The following KCNH8 variants were observed in gnomAD, a reference collection of about 807,000 sequenced individuals.
The protein encoded by KCNH8 is voltage-gated delayed rectifier potassium channel KCNH8.
In KCNH8, 70 loss-of-function variants were observed where a neutral mutation model predicts 103.6. The observed-to-expected ratio is 0.68, with a 90% confidence interval of 0.56 to 0.82. The LOEUF (loss-of-function observed/expected upper bound fraction) is 0.82, where lower values mean the gene tolerates loss of function less well. Among genes scored for constraint, KCNH8 ranks in the 40% least tolerant of loss-of-function variants. KCNH8 has a pLI of 0.00. For missense variants in KCNH8, 1,217 were observed against 1,329.9 expected, an observed-to-expected ratio of 0.92 and a Z score of 1.32; for synonymous variants, 498 against 489.4, an observed-to-expected ratio of 1.02 and a Z score of -0.23.
intron 6 of KCNH8, 23 bp downstream of exon 6, chr3:19,390,661 C>T (rs769594896): frequency 6.3e-6 from 10 of 1,599,492 alleles, no homozygotes; most frequent in Middle Eastern, 3.3e-4. Context: ...CTCCCCGCCA[C>T]ATGGCCTTTA....
chr3:19,367,920 G>A (rs2066035318), intron 5 of KCNH8, among the ~76,000 whole-genome samples: 1 of 151,986 alleles, frequency 6.6e-6, no homozygotes, highest in Non-Finnish European at 1.5e-5. Context: ...GCTTACAAGA[G>A]AGAGCATGGG....
rs1049879851 is a variant in KCNH8 at position 19,492,667 on chromosome 3, CT to C, written c.2041-17689del. Among the ~76,000 whole-genome samples the C allele has an allele frequency of 2.0e-5, 3 of 151,896 alleles. No homozygotes were observed. In the East Asian group the frequency reaches 5.8e-4, roughly 29 times the overall value. On this transcript the variant is annotated intron_variant, in intron 11 of 15. Coordinates refer to ENST00000328405, the MANE Select transcript of KCNH8 (RefSeq NM_144633.3). Reference sequence around the variant, plus strand: ...TAGAATTGCTTTTGCTGTTTGGGCTCTTTTTTTGGTTCCATATGAATTTTAA... The same window carrying C: ...TAGAATTGCTTTTGCTGTTTGGGCTCTTTTTTGGTTCCATATGAATTTTAA...
chr3:19,331,235 CT>C, intron 3 of KCNH8, among the ~76,000 whole-genome samples: 1 of 145,142 alleles, frequency 6.9e-6, no homozygotes, highest in Middle Eastern at 3.6e-3. Flanking sequence ...AGATGGACTT[CT>C]TTCTTTAATT....
intron 3 of KCNH8, among the ~76,000 whole-genome samples, chr3:19,306,785 A>G (rs928752606): frequency 1.3e-5 from 2 of 152,074 alleles, no homozygotes; most frequent in Non-Finnish European, 2.9e-5. Flanking sequence ...CCTTTCACCT[A>G]TCAGGAAATG....
At chr3:19,227,914 A>C (rs1457135576) in intron 1 of KCNH8, among the ~76,000 whole-genome samples, 1 of 152,172 alleles carries the variant, frequency 6.6e-6, no homozygotes, top group African/African-American at 2.4e-5. Flanking sequence ...GTGGTTATAC[A>C]TGTGCTCTTC....
chr3:19,300,476 T>G (rs2065051758), intron 3 of KCNH8, among the ~76,000 whole-genome samples: 1 of 152,170 alleles, frequency 6.6e-6, no homozygotes, highest in East Asian at 1.9e-4. Flanking sequence ...TATAACTCAG[T>G]GGGGCATATA....
chr3:19,498,782 T>A (rs1367318184), intron 11 of KCNH8, among the ~76,000 whole-genome samples: 3 of 152,138 alleles, frequency 2.0e-5, no homozygotes, highest in Non-Finnish European at 2.9e-5. Flanking sequence ...TTTCTGTTTG[T>A]TAGTTTTCCT....
intron 5 of KCNH8, among the ~76,000 whole-genome samples, chr3:19,351,901 G>T (rs1300197940): frequency 6.6e-6 from 1 of 152,112 alleles, no homozygotes; most frequent in Non-Finnish European, 1.5e-5. Context: ...AACCTTAAAT[G>T]TAAATGGGCT....
At chr3:19,357,166 T>C (rs1299566032) in intron 5 of KCNH8, among the ~76,000 whole-genome samples, 1 of 151,340 alleles carries the variant, frequency 6.6e-6, no homozygotes, top group South Asian at 2.1e-4. Flanking sequence ...GAGATTGTTT[T>C]GGTGGGGAGA....
intron 3 of KCNH8, among the ~76,000 whole-genome samples, chr3:19,303,258 G>A (rs764618735): frequency 1.3e-5 from 2 of 152,096 alleles, no homozygotes; most frequent in Non-Finnish European, 2.9e-5. Flanking sequence ...TAAATGCGTG[G>A]ATTTCCAAAA....
At chr3:19,190,661 A>G (rs1461891241) in intron 1 of KCNH8, among the ~76,000 whole-genome samples, 2 of 151,958 alleles carry the variant, frequency 1.3e-5, no homozygotes, top group African/African-American at 4.8e-5. Context: ...AATGTGGAAG[A>G]AAGTAGGATG....
chr3:19,461,150 G>A (rs1377018475), intron 11 of KCNH8, among the ~76,000 whole-genome samples: 3 of 152,048 alleles, frequency 2.0e-5, no homozygotes, highest in Non-Finnish European at 4.4e-5. Flanking sequence ...CATTATGGCT[G>A]GAACCAAAAG....
intron 2 of KCNH8, among the ~76,000 whole-genome samples, chr3:19,254,617 G>A (rs2125253984): frequency 6.6e-6 from 1 of 152,060 alleles, no homozygotes; most frequent in South Asian, 2.1e-4. Context: ...AATGGGCCCT[G>A]GTACTTAGGG....
chr3:19,244,200 C>T (rs1230335236), intron 1 of KCNH8, among the ~76,000 whole-genome samples: 2 of 152,188 alleles, frequency 1.3e-5, no homozygotes, highest in African/African-American at 4.8e-5. Flanking sequence ...AACTCTTCAC[C>T]TTTCCTTTTC....
intron 7 of KCNH8, among the ~76,000 whole-genome samples, chr3:19,423,523 G>A (rs1001574569): frequency 1.3e-5 from 2 of 151,966 alleles, no homozygotes; most frequent in Non-Finnish European, 1.5e-5. Flanking sequence ...AGAACATACA[G>A]TATTTCATTT....
intron 5 of KCNH8, among the ~76,000 whole-genome samples, chr3:19,385,252 C>T (rs1435358583): frequency 1.3e-5 from 2 of 152,112 alleles, no homozygotes; most frequent in African/African-American, 4.8e-5. Context: ...ACTCCACTTA[C>T]ATTGATTTGA....
intron 4 of KCNH8, among the ~76,000 whole-genome samples, chr3:19,345,040 G>A (rs1346108096): frequency 6.6e-6 from 1 of 152,028 alleles, no homozygotes; most frequent in Non-Finnish European, 1.5e-5. Context: ...AAATGAACTC[G>A]TCAGGTCATT....
intron 2 of KCNH8, 56 bp from the exon 3 acceptor site, chr3:19,281,142 A>C: frequency 6.4e-7 from 1 of 1,566,460 alleles, no homozygotes; most frequent in Non-Finnish European, 8.7e-7. Context: ...TGAGATTTCC[A>C]TAGAGATAAC....
intron 5 of KCNH8, among the ~76,000 whole-genome samples, chr3:19,368,158 T>G (rs994547837): frequency 6.6e-6 from 1 of 152,016 alleles, no homozygotes; most frequent in Non-Finnish European, 1.5e-5. Context: ...GATATAAATC[T>G]GATGCCATGC....
Sources: gnomAD v4.1 joint callset for allele counts (sites outside exome capture counted in the v4.1 genomes callset) on GRCh38, gnomAD v4.1.1 for gene constraint, MANE v1.5 for transcripts, NCBI Gene and HGNC (gene_info 2026-07-23, HGNC 2026-07-21) for gene names.